SDCCAG8: variants seen among roughly 807,000 people sequenced by gnomAD.
SDCCAG8 encodes serologically defined colon cancer antigen 8.
SDCCAG8 carries 74 observed loss-of-function variants against 101.8 expected under a neutral mutation model. The observed-to-expected ratio is 0.73, with a 90% confidence interval of 0.60 to 0.88. The LOEUF (loss-of-function observed/expected upper bound fraction) is 0.88, where lower values mean the gene tolerates loss of function less well. Among genes scored for constraint, SDCCAG8 ranks in the 40% least tolerant of loss-of-function variants. The pLI, the probability that SDCCAG8 is intolerant of heterozygous loss-of-function variation, is 0.00. For synonymous variants in SDCCAG8, 281 were observed against 292.9 expected, an observed-to-expected ratio of 0.96 and a Z score of 0.41; for missense variants, 787 against 822.6, an observed-to-expected ratio of 0.96 and a Z score of 0.53.
At chr1:243,281,050 AC>A (rs1435214447) in intron 4 of SDCCAG8, among the ~76,000 whole-genome samples, 1 of 152,038 alleles carries the variant, frequency 6.6e-6, no homozygotes, top group Admixed American at 6.6e-5. Flanking sequence ...ATTTTGATAC[AC>A]TTTTATTAGG....
intron 12 of SDCCAG8, among the ~76,000 whole-genome samples, chr1:243,349,324 A>G (rs946201700): frequency 2.0e-5 from 3 of 152,224 alleles, no homozygotes; most frequent in Non-Finnish European, 4.4e-5. Context: ...CTATGTTACA[A>G]ATAAAGTTTT....
chr1:243,411,222 C>G (rs913606797), intron 13 of SDCCAG8, among the ~76,000 whole-genome samples: 1 of 151,874 alleles, frequency 6.6e-6, no homozygotes, highest in Non-Finnish European at 1.5e-5. Context: ...TCAAGTGATC[C>G]TTCTGTATCA....
chr1:243,489,804 C>T (rs1665936605), intron 17 of SDCCAG8, among the ~76,000 whole-genome samples: 1 of 152,208 alleles, frequency 6.6e-6, no homozygotes, highest in South Asian at 2.1e-4. Context: ...AAGCCTGACT[C>T]CACAGCCCAG....
rs911614664 is a variant in SDCCAG8, at chr1:243,404,597, A to G, written c.1617-11105A>G. ...GAATCAGAAAACTTGGGCTCACGTC[A>G]GTTTTTTTCTTCTGTAGATGTAGTG... On this transcript the variant is annotated intron_variant, in intron 13 of 17. Transcript: ENST00000366541. 7.3e-4 allele frequency among the ~76,000 whole-genome samples: 111 copies of G among 152,286 alleles called. 1 individual carries two copies. Among genetic ancestry groups the G allele is most frequent in the African/African-American group, 2.5e-3 (103 of 41,576 alleles).
chr1:243,464,716 A>G (rs1226486112), intron 16 of SDCCAG8, among the ~76,000 whole-genome samples: 1 of 152,242 alleles, frequency 6.6e-6, no homozygotes, highest in African/African-American at 2.4e-5. Flanking sequence ...GAAGTAAGAT[A>G]GGACAATAAA....
chr1:243,461,679 G>A (rs1053642915), intron 16 of SDCCAG8, among the ~76,000 whole-genome samples: 4 of 152,100 alleles, frequency 2.6e-5, no homozygotes, highest in Non-Finnish European at 5.9e-5. Flanking sequence ...TACCACTGAG[G>A]CAGTCTGTTT....
intron 12 of SDCCAG8, among the ~76,000 whole-genome samples, chr1:243,351,353 G>T (rs890781236): frequency 1.3e-5 from 2 of 152,218 alleles, no homozygotes; most frequent in Non-Finnish European, 2.9e-5. Context: ...CACTGTGGGG[G>T]TAATAACTAG....
chr1:243,340,338 G>T (rs918895035), intron 10 of SDCCAG8, among the ~76,000 whole-genome samples: 1 of 152,170 alleles, frequency 6.6e-6, no homozygotes, highest in African/African-American at 2.4e-5. Context: ...AGTGGACACA[G>T]GCTACAAACA....
chr1:243,356,964 T>G (rs1469291805), intron 12 of SDCCAG8, among the ~76,000 whole-genome samples: 2 of 152,106 alleles, frequency 1.3e-5, no homozygotes, highest in Non-Finnish European at 2.9e-5. Flanking sequence ...TGCACTGCAC[T>G]GCAGCCTGGG....
At chr1:243,322,062 T>C (rs1019263831) in intron 9 of SDCCAG8, among the ~76,000 whole-genome samples, 1 of 152,258 alleles carries the variant, frequency 6.6e-6, no homozygotes, top group Admixed American at 6.5e-5. Context: ...GATTGCTGTG[T>C]TGAATGGTAG....
At chr1:243,266,313 TTC>T (rs2067579744) in intron 1 of SDCCAG8, among the ~76,000 whole-genome samples, 1 of 151,044 alleles carries the variant, frequency 6.6e-6, no homozygotes, top group African/African-American at 2.5e-5. Context: ...GAATTTTTTT[TTC>T]TTTTTCTTTT....
chr1:243,392,642 C>T (rs1028065064), intron 13 of SDCCAG8, among the ~76,000 whole-genome samples: 2 of 152,146 alleles, frequency 1.3e-5, no homozygotes, highest in Admixed American at 6.5e-5. Context: ...TGTGGAGGAA[C>T]CCAAATTCAG....
At position 243,348,818 on chromosome 1, in the gene SDCCAG8, C is replaced by CAA. The variant is rs34405078; in HGVS notation, c.1473+4504_1473+4505dup. On this transcript the variant is annotated intron_variant, in intron 12 of 17. Coordinates refer to ENST00000366541, the MANE Select transcript of SDCCAG8 (RefSeq NM_006642.5). ...AGAAACCCCGTCTCTACTAAAAATA[C>CAA]AAAAAAAAAAAAAAAAAATTAGCCG... 7.0e-3 allele frequency among the ~76,000 whole-genome samples: 913 copies of CAA among 131,242 alleles called. 4 individuals are homozygous for CAA. The highest frequency in any genetic ancestry group is 0.018 in the African/African-American group (609 of 34,510). 86.1% of individuals were successfully genotyped at this position (131,242 alleles called of 152,430 possible).
intron 13 of SDCCAG8, 114 bp from the exon 14 acceptor site, chr1:243,415,588 C>T (rs575933811): frequency 6.9e-7 from 1 of 1,455,994 alleles, no homozygotes; most frequent in East Asian, 2.3e-5. Context: ...AGGTCCTTGT[C>T]TTCTTATGCT....
intron 10 of SDCCAG8, among the ~76,000 whole-genome samples, chr1:243,331,318 C>A (rs758627790): frequency 2.0e-5 from 3 of 152,164 alleles, no homozygotes; most frequent in African/African-American, 7.2e-5. Context: ...TAACTAGACT[C>A]GAATTGAGCA....
chr1:243,286,181 C>T, intron 4 of SDCCAG8, 91 bp from the exon 5 acceptor site: 2 of 1,290,584 alleles, frequency 1.5e-6, no homozygotes, highest in Admixed American at 3.5e-5. Context: ...CATAAGTCTT[C>T]CGTACTTTAT....
chr1:243,449,121 A>T (rs2083161910), intron 16 of SDCCAG8, among the ~76,000 whole-genome samples: 1 of 152,232 alleles, frequency 6.6e-6, no homozygotes, highest in Non-Finnish European at 1.5e-5. Flanking sequence ...TCACACTATT[A>T]AATATGCTTT....
At chr1:243,326,711 G>C (rs1479647651) in intron 9 of SDCCAG8, among the ~76,000 whole-genome samples, 1 of 152,128 alleles carries the variant, frequency 6.6e-6, no homozygotes. Flanking sequence ...ATGTTCAAAG[G>C]TGTGAGCTGT....
At chr1:243,385,829 C>G (rs1386717049) in intron 13 of SDCCAG8, among the ~76,000 whole-genome samples, 2 of 152,076 alleles carry the variant, frequency 1.3e-5, no homozygotes, top group Non-Finnish European at 2.9e-5. Flanking sequence ...ATTAGCCAGG[C>G]ATGGTGTTGC....
Sources: gnomAD v4.1 joint callset for allele counts (sites outside exome capture counted in the v4.1 genomes callset) on GRCh38, gnomAD v4.1.1 for gene constraint, MANE v1.5 for transcripts, NCBI Gene and HGNC (gene_info 2026-07-23, HGNC 2026-07-21) for gene names.